ZCCHC7: variants seen among roughly 807,000 people sequenced by gnomAD.
The protein encoded by ZCCHC7 is zinc finger CCHC domain-containing protein 7.
ZCCHC7 carries 35 observed loss-of-function variants against 52.0 expected under a neutral mutation model. That is an observed-to-expected ratio of 0.67 (90% confidence interval 0.51 to 0.89). ZCCHC7 has a LOEUF of 0.89. Ranked by LOEUF, ZCCHC7 falls within the 40% of genes least tolerant of loss-of-function variation. The probability of loss-of-function intolerance (pLI) is 0.00; values close to 1 mark genes in which losing one functional copy is unlikely to be tolerated. For synonymous variants in ZCCHC7, 217 were observed against 221.5 expected (o/e 0.98, Z 0.18); for missense variants, 574 against 649.1 (o/e 0.88, Z 1.26).
At chr9:37,184,536 C>G (rs529480162) in intron 2 of ZCCHC7, among the ~76,000 whole-genome samples, 2 of 152,206 alleles carry the variant, frequency 1.3e-5, no homozygotes, top group Middle Eastern at 3.4e-3. Flanking sequence ...ACCTCTATTT[C>G]TGGAATTTTT....
At chr9:37,165,554 G>A (rs764291485) in intron 2 of ZCCHC7, among the ~76,000 whole-genome samples, 52 of 152,240 alleles carry the variant, frequency 3.4e-4, no homozygotes, top group Non-Finnish European at 5.3e-4. Flanking sequence ...GGGTCTGATC[G>A]AGATAATCAC....
chr9:37,280,642 T>C (rs1185142535), intron 2 of ZCCHC7, among the ~76,000 whole-genome samples: 1 of 152,040 alleles, frequency 6.6e-6, no homozygotes, highest in Non-Finnish European at 1.5e-5. Flanking sequence ...TCCCCAAATA[T>C]TGGGAAATTA....
intron 2 of ZCCHC7, among the ~76,000 whole-genome samples, chr9:37,132,458 A>G (rs1037463783): frequency 6.6e-6 from 1 of 152,132 alleles, no homozygotes; most frequent in African/African-American, 2.4e-5. Flanking sequence ...AATCTTTCCT[A>G]TCTATAACTC....
chr9:37,152,634 T>C (rs543102470), intron 2 of ZCCHC7, among the ~76,000 whole-genome samples: 2 of 152,346 alleles, frequency 1.3e-5, no homozygotes, highest in African/African-American at 2.4e-5. Context: ...GTTTTTATTA[T>C]CATTAGACTG....
At chr9:37,178,709 T>C (rs959871297) in intron 2 of ZCCHC7, among the ~76,000 whole-genome samples, 3 of 152,208 alleles carry the variant, frequency 2.0e-5, no homozygotes, top group Admixed American at 6.5e-5. Flanking sequence ...TTTACAGATA[T>C]TAAACAGTGA....
intron 2 of ZCCHC7, among the ~76,000 whole-genome samples, chr9:37,167,947 A>G (rs556079834): frequency 6.6e-6 from 1 of 152,268 alleles, no homozygotes; most frequent in South Asian, 2.1e-4. Flanking sequence ...TTTTCTTTAC[A>G]CATTTTGAAC....
intron 2 of ZCCHC7, among the ~76,000 whole-genome samples, chr9:37,290,929 T>A (rs959685023): frequency 5.9e-5 from 9 of 152,160 alleles, no homozygotes; most frequent in Admixed American, 1.3e-4. Flanking sequence ...ATTAATTTTT[T>A]AAAAAAACAG....
chr9:37,348,342 AGTTC>A lies in ZCCHC7; in HGVS notation c.988-1010_988-1007del, dbSNP rs1239034818. Among the ~76,000 whole-genome samples the A allele has an allele frequency of 9.8e-4, 98 of 99,718 alleles. 1 individual carries two copies. Among genetic ancestry groups the A allele is most frequent in the African/African-American group, 2.4e-3 (64 of 26,722 alleles). 65.4% of individuals were successfully genotyped at this position (99,718 alleles called of 152,430 possible). A position where few individuals can be genotyped will look rare whatever the true frequency, so the allele number is the denominator to read the frequency against. On this transcript the variant is annotated intron_variant, in intron 6 of 8. Coordinates refer to ENST00000336755, the MANE Select transcript of ZCCHC7 (RefSeq NM_032226.3). ...GTCTTTTCAATGACCAAGTGATACC[AGTTC>A]GTTCTTTCTTTCTTTCTTTCTTTCT...
At chr9:37,268,616 C>T (rs996276396) in intron 2 of ZCCHC7, among the ~76,000 whole-genome samples, 12 of 151,900 alleles carry the variant, frequency 7.9e-5, no homozygotes, top group Middle Eastern at 3.4e-3. Context: ...TTAGTAGAGA[C>T]GGGGTTTCAC....
At chr9:37,176,484 A>G (rs1023077618) in intron 2 of ZCCHC7, among the ~76,000 whole-genome samples, 1 of 151,970 alleles carries the variant, frequency 6.6e-6, no homozygotes, top group Non-Finnish European at 1.5e-5. Flanking sequence ...ACATTTTATC[A>G]CTGTTTGTGG....
chr9:37,262,805 C>A (rs756131297), intron 2 of ZCCHC7, among the ~76,000 whole-genome samples: 1 of 152,238 alleles, frequency 6.6e-6, no homozygotes, highest in East Asian at 1.9e-4. Flanking sequence ...TTTTCTCCCA[C>A]GTTCTTGTAG....
At chr9:37,271,540 G>A (rs534460172) in intron 2 of ZCCHC7, among the ~76,000 whole-genome samples, 1 of 152,066 alleles carries the variant, frequency 6.6e-6, no homozygotes, top group Non-Finnish European at 1.5e-5. Flanking sequence ...ATTGTATTAT[G>A]GTTACATTTA....
intron 6 of ZCCHC7, among the ~76,000 whole-genome samples, chr9:37,344,791 T>A (rs1820858263): frequency 6.6e-6 from 1 of 152,244 alleles, no homozygotes; most frequent in South Asian, 2.1e-4. Context: ...ACTTTTATCT[T>A]GCTCACTTCT....
intron 2 of ZCCHC7, among the ~76,000 whole-genome samples, chr9:37,241,812 C>G (rs1825885200): frequency 6.6e-6 from 1 of 151,636 alleles, no homozygotes; most frequent in African/African-American, 2.4e-5. Context: ...TAGCTGCATC[C>G]CTATTCTAAC....
chr9:37,242,494 C>A (rs957610546), intron 2 of ZCCHC7, among the ~76,000 whole-genome samples: 7 of 151,846 alleles, frequency 4.6e-5, no homozygotes, highest in Non-Finnish European at 1.0e-4. Flanking sequence ...CTTATGCCAT[C>A]TTGTCCATAA....
intron 2 of ZCCHC7, among the ~76,000 whole-genome samples, chr9:37,204,618 G>A (rs1422325492): frequency 6.6e-6 from 1 of 152,148 alleles, no homozygotes; most frequent in Non-Finnish European, 1.5e-5. Flanking sequence ...GATGGTTGTA[G>A]ATGTGTGGTC....
chr9:37,241,850 T>G lies in ZCCHC7; in HGVS notation c.611-60338T>G, dbSNP rs185239663. Among the ~76,000 whole-genome samples the G allele has an allele frequency of 2.2e-3, 341 of 151,868 alleles. 4 individuals are homozygous for G. Among genetic ancestry groups the G allele is most frequent in the South Asian group, 5.2e-3 (25 of 4,828 alleles). On this transcript the variant is annotated intron_variant, in intron 2 of 8. Coordinates refer to ENST00000336755, the MANE Select transcript of ZCCHC7 (RefSeq NM_032226.3). ...CCCAAATAACTCCCAAAAGAGGAAT[T>G]TTATAACTTCCAAATTGACTGCTGT...
In ZCCHC7 at chr9:37,247,354, G is replaced by A. The variant is rs1014874570; in HGVS notation, c.611-54834G>A. The stretch of plus-strand genomic sequence containing the variant: ...GTGACAAAATAAAACTTTGAAGAGG[G>A]ACCTGGGTAGAGAGAGAAATGAGCA... On this transcript the variant is annotated intron_variant, in intron 2 of 8. Transcript: ENST00000336755. 8.9e-4 allele frequency among the ~76,000 whole-genome samples: 136 copies of A among 152,134 alleles called. 1 individual carries two copies. The highest frequency in any genetic ancestry group is 1.5e-3 in the Non-Finnish European group (101 of 68,026).
intron 2 of ZCCHC7, among the ~76,000 whole-genome samples, chr9:37,218,592 T>C (rs1026418223): frequency 6.6e-6 from 1 of 152,184 alleles, no homozygotes; most frequent in Admixed American, 6.5e-5. Flanking sequence ...ACAGATAACT[T>C]GAGGTCAGGA....
Sources: gnomAD v4.1 joint callset for allele counts (sites outside exome capture counted in the v4.1 genomes callset) on GRCh38, gnomAD v4.1.1 for gene constraint, MANE v1.5 for transcripts, NCBI Gene and HGNC (gene_info 2026-07-23, HGNC 2026-07-21) for gene names.